Variants in BIN1 observed in about 807,000 individuals in gnomAD.
BIN1 encodes the protein myc box-dependent-interacting protein 1.
BIN1 carries 53 observed loss-of-function variants against 82.0 expected under a neutral mutation model. The ratio of observed to expected loss-of-function variants is 0.65; its 90% CI spans 0.52 to 0.81. The LOEUF is 0.81. Ranked by LOEUF, BIN1 falls within the 40% of genes least tolerant of loss-of-function variation. The pLI, the probability that BIN1 is intolerant of heterozygous loss-of-function variation, is 0.00. For synonymous variants in BIN1, 302 were observed against 328.0 expected (o/e 0.92, Z 0.86); for missense variants, 642 against 784.4 (o/e 0.82, Z 2.17).
chr2:127,054,178 C>T, intron 12 of BIN1, 166 bp from the exon 13 acceptor site: 1 of 665,456 alleles, frequency 1.5e-6, no homozygotes, highest in Non-Finnish European at 2.7e-6. Context: ...GGCACACAGC[C>T]CAGGCACCAA....
chr2:127,075,918 C>T (rs1359306061), intron 2 of BIN1, among the ~76,000 whole-genome samples: 1 of 147,988 alleles, frequency 6.8e-6, no homozygotes, highest in South Asian at 2.2e-4. Flanking sequence ...ACCGCCCTCT[C>T]CCAGAATGCT....
intron 1 of BIN1, chr2:127,081,696 G>T: frequency 2.1e-6 from 2 of 972,460 alleles, no homozygotes; most frequent in Non-Finnish European, 2.7e-6. Flanking sequence ...GGCACCCCTC[G>T]TCCCTGCAGT....
rs3754619 is a variant in BIN1 at position 127,057,200 on chromosome 2, G to A, written c.1131+273C>T. Among the ~76,000 whole-genome samples the A allele has an allele frequency of 0.14, 21,746 of 152,238 alleles. 2,019 individuals are homozygous for A. The highest frequency in any genetic ancestry group is 0.2 in the Non-Finnish European group (13,613 of 67,996). On this transcript the variant is annotated intron_variant, in intron 12 of 18. Coordinates refer to ENST00000316724, the MANE Select transcript of BIN1 (RefSeq NM_139343.3). The surrounding 1 kb of genome is among the most constrained non-coding windows in gnomAD (Gnocchi z 5.0). The stretch of plus-strand genomic sequence containing the variant: ...TCCCCTCTGCCATAGCACCCACTGC[G>A]TCGCGAGGGCGCTGCTGATGTAACT...
Position 127,068,954 on chromosome 2 carries a change from G to A in BIN1, c.489C>T (p.Ala163=). The A allele has an allele frequency of 6.2e-7, 1 of 1,614,166 alleles. No individual in the cohort carries two copies. The highest frequency in any genetic ancestry group is 8.5e-7 in the Non-Finnish European group (1 of 1,180,020). Residue 163 remains alanine, a synonymous_variant, in exon 6 of 19, where the codon GCC becomes GCT. Coordinates refer to ENST00000316724, the MANE Select transcript of BIN1 (RefSeq NM_139343.3). This position sits in a 1 kb window ranked among gnomAD's most constrained non-coding sequence, Gnocchi z 4.9. ...ARHHYESLQT[A]KKKDEAKIAK... Reference sequence around the variant, plus strand: ...CAATTTTGGCTTCATCCTTCTTTTTGGCAGTTTGAAGGGACTCGTAGTGGT... The same window carrying A: ...CAATTTTGGCTTCATCCTTCTTTTTAGCAGTTTGAAGGGACTCGTAGTGGT...
intron 13 of BIN1, chr2:127,053,674 G>A: frequency 2.8e-6 from 2 of 720,804 alleles, no homozygotes; most frequent in East Asian, 2.7e-5. Flanking sequence ...CAAGCGATGA[G>A]CACAAAGTTG....
At chr2:127,066,079 GC>G (rs1421392541) in intron 7 of BIN1, among the ~76,000 whole-genome samples, 2 of 152,190 alleles carry the variant, frequency 1.3e-5, no homozygotes, top group African/African-American at 2.4e-5. Context: ...GAGCCGGCCA[GC>G]CCCCTGGTGC....
rs1466319142 is a variant in BIN1 at position 127,068,370 on chromosome 2, C to A, written c.520-115G>T. On this transcript the variant is annotated intron_variant, in intron 6 of 18. Coordinates refer to ENST00000316724, the MANE Select transcript of BIN1 (RefSeq NM_139343.3). This position sits in a 1 kb window ranked among gnomAD's most constrained non-coding sequence, Gnocchi z 4.9. ...ACACGCCCCACGCGCGGGGGCCACCCCAAGCAGATATGGGCCCTTGAGGCC... is the reference window on the plus strand; with the variant it reads ...ACACGCCCCACGCGCGGGGGCCACCACAAGCAGATATGGGCCCTTGAGGCC... The A allele has an allele frequency of 5.1e-6, 4 of 790,160 alleles. No individual in the cohort carries two copies. In the East Asian group the frequency reaches 1.1e-4, roughly 21 times the overall value. The allele number at this position is 790,160 out of a possible 1,614,324, so 48.9% of individuals were successfully genotyped here.
intron 1 of BIN1, among the ~76,000 whole-genome samples, chr2:127,084,009 GA>G (rs1313897788): frequency 6.6e-6 from 1 of 152,196 alleles, no homozygotes; most frequent in Non-Finnish European, 1.5e-5. Flanking sequence ...TCATCTGCAG[GA>G]CAATCACGGT....
At chr2:127,106,405 G>A (rs77368171) in intron 1 of BIN1, among the ~76,000 whole-genome samples, 12,820 of 152,304 alleles carry the variant, frequency 0.084, 717 homozygotes, top group African/African-American at 0.16. Flanking sequence ...CGGGGGAATA[G>A]TGTCCCCAGG....
In BIN1 at chr2:127,048,344, G is replaced by A. The variant is rs781401496; in HGVS notation, c.*182C>T. 5.4e-5 allele frequency: 33 copies of A among 615,936 alleles called. No homozygotes were observed. The highest frequency in any genetic ancestry group is 8.6e-5 in the Non-Finnish European group (30 of 350,218). The allele number at this position is 615,936 out of a possible 1,614,324, so 38.2% of individuals were successfully genotyped here. A position where few individuals can be genotyped will look rare whatever the true frequency, so the allele number is the denominator to read the frequency against. ...ACTGGTGAATTCCGCCGGACTTGCC[G>A]GGACGCGGCTCTTTGGAAAACGACC... is the stretch of plus-strand genomic sequence containing the variant. On this transcript the variant is annotated 3_prime_UTR_variant, in exon 19 of 19. Transcript: ENST00000316724.
rs1475462472 is a variant in BIN1, at chr2:127,067,047, G to A, written c.612+1116C>T. ...GATCACACCACTGCACTCCAGCCAGGGGAACGGAGAGAAACCCGTTCAAAA... is the reference window on the plus strand; with the variant it reads ...GATCACACCACTGCACTCCAGCCAGAGGAACGGAGAGAAACCCGTTCAAAA... On this transcript the variant is annotated intron_variant, in intron 7 of 18. Transcript: ENST00000316724. This position sits in a 1 kb window ranked among gnomAD's most constrained non-coding sequence, Gnocchi z 4.7. 2.0e-5 allele frequency among the ~76,000 whole-genome samples: 3 copies of A among 149,732 alleles called. No homozygotes were observed. Among genetic ancestry groups the A allele is most frequent in the African/African-American group, 7.5e-5 (3 of 40,040 alleles).
intron 1 of BIN1, among the ~76,000 whole-genome samples, chr2:127,105,091 T>C (rs1680865541): frequency 6.6e-6 from 1 of 152,116 alleles, no homozygotes; most frequent in African/African-American, 2.4e-5. Flanking sequence ...AGGAGCTCAG[T>C]GATACATCAC....
rs1313819854 is a variant in BIN1, at chr2:127,106,786, A to G, written c.84+74T>C. ...GCGAAGGACCAGGCCCCGGGGTCGG[A>G]GGATAGGGGGACAGGTGGCCGGGGC... On this transcript the variant is annotated intron_variant, in intron 1 of 18. Coordinates refer to ENST00000316724, the MANE Select transcript of BIN1 (RefSeq NM_139343.3). 5 of 1,518,642 alleles carry G rather than the reference A, an allele frequency of 3.3e-6. No individual in the cohort carries two copies. In the East Asian group the frequency reaches 1.2e-4, roughly 38 times the overall value. 94.1% of individuals were successfully genotyped at this position (1,518,642 alleles called of 1,614,324 possible).
At chr2:127,049,967 G>C (rs1208213256) in intron 18 of BIN1, among the ~76,000 whole-genome samples, 2 of 152,224 alleles carry the variant, frequency 1.3e-5, no homozygotes, top group African/African-American at 2.4e-5. Flanking sequence ...TCGAGGGACG[G>C]CACACGGGGC....
intron 1 of BIN1, among the ~76,000 whole-genome samples, chr2:127,106,165 G>A (rs752684978): frequency 2.6e-5 from 4 of 152,192 alleles, no homozygotes; most frequent in Non-Finnish European, 4.4e-5. Flanking sequence ...GCCGCCACCC[G>A]CTCCCCGGCC....
At position 127,068,773 on chromosome 2, in the gene BIN1, T is replaced by C; in HGVS notation, c.519+151A>G. ...CCTCACCCAGGCACCCACAAGGGCC[T>C]CTCACTCACCGGCCTGGGCCCTGTA... is the stretch of plus-strand genomic sequence containing the variant. On this transcript the variant is annotated intron_variant, in intron 6 of 18. Coordinates refer to ENST00000316724, the MANE Select transcript of BIN1 (RefSeq NM_139343.3). This position sits in a 1 kb window ranked among gnomAD's most constrained non-coding sequence, Gnocchi z 4.9. The C allele has an allele frequency of 1.3e-6, 1 of 757,414 alleles. No homozygotes were observed. The highest frequency in any genetic ancestry group is 2.2e-6 in the Non-Finnish European group (1 of 445,018). 46.9% of individuals were successfully genotyped at this position (757,414 alleles called of 1,614,324 possible).
At chr2:127,053,084 C>T (rs1188236559) in intron 14 of BIN1, 6 of 430,992 alleles carry the variant, frequency 1.4e-5, no homozygotes, top group Non-Finnish European at 2.6e-5. Flanking sequence ...CTGCCCCACA[C>T]CCTGAGGACA....
chr2:127,065,058 G>C (rs1684977303), intron 7 of BIN1: 1 of 152,346 alleles, frequency 6.6e-6, no homozygotes, highest in African/African-American at 2.4e-5. Context: ...GGCAAAGGCA[G>C]CCAGATGGCC....
chr2:127,050,009 G>T (rs1351190732), intron 18 of BIN1, among the ~76,000 whole-genome samples: 1 of 152,216 alleles, frequency 6.6e-6, no homozygotes, highest in Admixed American at 6.5e-5. Context: ...CCGGCTGGCT[G>T]CAGGGTGGGC....
Sources: gnomAD v4.1 joint callset for allele counts (sites outside exome capture counted in the v4.1 genomes callset) on GRCh38, gnomAD v4.1.1 for gene constraint, Gnocchi (gnomAD v3.1) non-coding constraint, MANE v1.5 for transcripts, NCBI Gene and HGNC (gene_info 2026-07-23, HGNC 2026-07-21) for gene names.